Variants in RPA1 observed in about 807,000 individuals in gnomAD.
RPA1 encodes replication protein A 70 kDa DNA-binding subunit.
Under a neutral mutation model 83.0 loss-of-function variants are expected in RPA1, and 49 were observed. The ratio of observed to expected loss-of-function variants is 0.59; its 90% confidence interval spans 0.47 to 0.75. The LOEUF (loss-of-function observed/expected upper bound fraction) is 0.75. Among genes scored for constraint, RPA1 ranks in the 30% least tolerant of loss-of-function variants. The pLI, the probability that RPA1 is intolerant of heterozygous loss-of-function variation, is 0.00. For synonymous variants in RPA1, 279 were observed against 281.8 expected (o/e 0.99, Z 0.10); for missense variants, 693 against 776.1 (o/e 0.89, Z 1.27).
intron 13 of RPA1, among the ~76,000 whole-genome samples, chr17:1,886,758 G>A (rs1250357328): frequency 6.8e-6 from 1 of 147,402 alleles, no homozygotes; most frequent in Non-Finnish European, 1.5e-5. Flanking sequence ...CCAGGCTGGA[G>A]TGCAGTGGTG....
Position 1,842,791 on chromosome 17 carries a change from T to C in RPA1, c.34-12T>C, listed in dbSNP as rs745989181. 15 of 1,613,276 alleles carry C rather than the reference T, an allele frequency of 9.3e-6. No individual in the cohort carries two copies. Among genetic ancestry groups the C allele is most frequent in the Non-Finnish European group, 1.2e-5 (14 of 1,179,282 alleles). ...GTGCGTATCTCACACAAACCTGTTT[T>C]TACTCCCTCAGGCCATCATGCAGAA... On this transcript the variant is annotated splice_polypyrimidine_tract_variant and intron_variant, in intron 1 of 16. Coordinates refer to ENST00000254719, the MANE Select transcript of RPA1 (RefSeq NM_002945.5).
rs1330464829 is a variant in RPA1 at position 1,899,141 on chromosome 17, CA to C, written c.*1967del. ...GTGATTGGGAACCCAGGGGCAGTGC[CA>C]GGGGGAGGGCTCCCTCGAGGAGGCT... is the stretch of plus-strand genomic sequence containing the variant. On this transcript the variant is annotated 3_prime_UTR_variant, in exon 17 of 17. Transcript: ENST00000254719. 3 of 152,974 alleles carry C rather than the reference CA, an allele frequency of 2.0e-5. No individual in the cohort carries two copies. The highest frequency in any genetic ancestry group is 2.1e-4 in the South Asian group (1 of 4,828). 9.5% of individuals were successfully genotyped at this position (152,974 alleles called of 1,614,324 possible).
intron 4 of RPA1, among the ~76,000 whole-genome samples, chr17:1,849,445 G>A (rs1239462615): frequency 6.6e-5 from 10 of 151,552 alleles, no homozygotes; most frequent in East Asian, 5.8e-4. Context: ...GGTGCCCACC[G>A]CCACGCCCGG....
At chr17:1,892,264 C>G (rs17292426) in intron 15 of RPA1, among the ~76,000 whole-genome samples, 2 of 152,162 alleles carry the variant, frequency 1.3e-5, no homozygotes, top group Non-Finnish European at 2.9e-5. Flanking sequence ...TTCAGCCACC[C>G]GAAATGCTGG....
At chr17:1,880,718 G>A (rs1345319982) in intron 12 of RPA1, 27 bp downstream of exon 12, 1 of 1,608,696 alleles carries the variant, frequency 6.2e-7, no homozygotes. Context: ...TAAACAAAGG[G>A]TTACTTGAGG....
At chr17:1,860,422 A>C (rs1426401766) in intron 5 of RPA1, among the ~76,000 whole-genome samples, 2 of 152,232 alleles carry the variant, frequency 1.3e-5, no homozygotes, top group African/African-American at 4.8e-5. Flanking sequence ...GCTGAATTAC[A>C]GGCATAAGCT....
At chr17:1,861,969 G>A (rs1041632323) in intron 5 of RPA1, among the ~76,000 whole-genome samples, 1 of 151,720 alleles carries the variant, frequency 6.6e-6, no homozygotes, top group African/African-American at 2.4e-5. Flanking sequence ...GCGCGGTCTC[G>A]GTTGACTGCA....
At chr17:1,842,586 C>T (rs939920797) in intron 1 of RPA1, among the ~76,000 whole-genome samples, 5 of 152,150 alleles carry the variant, frequency 3.3e-5, no homozygotes, top group African/African-American at 1.2e-4. Context: ...GATACCGGTG[C>T]TAGAGATGTG....
chr17:1,871,785 G>T (rs577834893), intron 5 of RPA1, among the ~76,000 whole-genome samples: 31 of 151,714 alleles, frequency 2.0e-4, no homozygotes, highest in Non-Finnish European at 4.6e-4. Context: ...TAATCTTCCT[G>T]TTTCCTTGAC....
At chr17:1,878,918 A>C in intron 8 of RPA1, 75 bp from the exon 9 acceptor site, 3 of 1,425,778 alleles carry the variant, frequency 2.1e-6, no homozygotes, top group Non-Finnish European at 3.0e-6. Flanking sequence ...CCTGTGTTCT[A>C]TCCCAGTGTC....
intron 1 of RPA1, among the ~76,000 whole-genome samples, chr17:1,836,973 G>C (rs1290591337): frequency 6.6e-6 from 1 of 151,928 alleles, no homozygotes; most frequent in Non-Finnish European, 1.5e-5. Flanking sequence ...GAGTAGCTGG[G>C]ATTACAGCCG....
At chr17:1,886,382 C>T (rs1376113451) in intron 13 of RPA1, among the ~76,000 whole-genome samples, 8 of 152,228 alleles carry the variant, frequency 5.3e-5, no homozygotes, top group African/African-American at 1.9e-4. Flanking sequence ...GCACTGGCTT[C>T]ACCTTATAGT....
At chr17:1,892,532 C>A (rs1030299926) in intron 15 of RPA1, among the ~76,000 whole-genome samples, 1 of 152,232 alleles carries the variant, frequency 6.6e-6, no homozygotes, top group African/African-American at 2.4e-5. Flanking sequence ...ATTAGCACAT[C>A]AGAGCTAGTG....
chr17:1,874,022 T>TAC (rs1913485547), intron 6 of RPA1, among the ~76,000 whole-genome samples: 4 of 109,744 alleles, frequency 3.6e-5, no homozygotes, highest in Non-Finnish European at 6.8e-5. Context: ...AATATATATA[T>TAC]ATATATATAT....
intron 1 of RPA1, among the ~76,000 whole-genome samples, chr17:1,834,897 T>G (rs1185037150): frequency 2.0e-5 from 3 of 152,172 alleles, no homozygotes; most frequent in Non-Finnish European, 4.4e-5. Context: ...GGTCTCACTC[T>G]GTTGCCCAGG....
intron 5 of RPA1, among the ~76,000 whole-genome samples, chr17:1,869,520 A>G (rs12942990): frequency 0.33 from 48,934 of 148,858 alleles, 10,024 homozygotes; most frequent in Non-Finnish European, 0.48. Flanking sequence ...CCTGGGTAAC[A>G]AGAGCGAGAC....
chr17:1,850,141 T>C (rs930962316), intron 4 of RPA1, among the ~76,000 whole-genome samples: 1 of 149,688 alleles, frequency 6.7e-6, no homozygotes, highest in Non-Finnish European at 1.5e-5. Context: ...CACTGCACTC[T>C]AGCCTGGGCG....
At chr17:1,873,388 T>C (rs1441252855) in intron 6 of RPA1, among the ~76,000 whole-genome samples, 1 of 152,214 alleles carries the variant, frequency 6.6e-6, no homozygotes, top group Non-Finnish European at 1.5e-5. Flanking sequence ...GAAGTCACCG[T>C]TGAAAATTTG....
chr17:1,865,920 C>T (rs1225437877), intron 5 of RPA1, among the ~76,000 whole-genome samples: 3 of 152,240 alleles, frequency 2.0e-5, no homozygotes, highest in South Asian at 2.1e-4. Context: ...CAGGCGTGAG[C>T]GCTGCGCCCA....
Sources: gnomAD v4.1 joint callset for allele counts (sites outside exome capture counted in the v4.1 genomes callset) on GRCh38, gnomAD v4.1.1 for gene constraint, MANE v1.5 for transcripts, NCBI Gene and HGNC (gene_info 2026-07-23, HGNC 2026-07-21) for gene names.